Variants in AUTS2 observed in about 807,000 individuals in gnomAD.
The protein encoded by AUTS2 is autism susceptibility gene 2 protein.
AUTS2 carries 17 observed loss-of-function variants against 112.4 expected under a neutral mutation model. That is an observed-to-expected ratio of 0.15 (90% CI 0.10 to 0.23). The LOEUF (loss-of-function observed/expected upper bound fraction) is 0.23, where lower values mean the gene tolerates loss of function less well. AUTS2 is among the 10% of genes least tolerant of loss of function. The pLI, the probability that AUTS2 is intolerant of heterozygous loss-of-function variation, is 1.00. For missense variants in AUTS2, 1,510 were observed against 1,701.6 expected (o/e 0.89, Z 1.98); for synonymous variants, 751 against 702.7 (o/e 1.07, Z -1.09).
chr7:70,420,273 C>A (rs1795164007), intron 4 of AUTS2, among the ~76,000 whole-genome samples: 1 of 152,124 alleles, frequency 6.6e-6, no homozygotes, highest in Non-Finnish European at 1.5e-5. Context: ...CTCTGAAAGT[C>A]CCATTGGTTT....
chr7:70,307,797 G>C (rs1001796662), intron 4 of AUTS2, among the ~76,000 whole-genome samples: 4 of 152,044 alleles, frequency 2.6e-5, no homozygotes, highest in African/African-American at 2.4e-5. Context: ...CAAGAGCTCT[G>C]TTGAAATGCC....
intron 5 of AUTS2, among the ~76,000 whole-genome samples, chr7:70,486,908 C>CCAA (rs1554410189): frequency 0.013 from 1,522 of 118,824 alleles, 55 homozygotes; most frequent in African/African-American, 0.047. Context: ...CCCCCCCCCC[C>CCAA]AAAAAAAAAG....
intron 5 of AUTS2, among the ~76,000 whole-genome samples, chr7:70,646,895 A>G (rs540238279): frequency 1.3e-5 from 2 of 152,176 alleles, no homozygotes; most frequent in East Asian, 1.9e-4. Context: ...CCAGTTCCCT[A>G]CCTTTGCCCA....
intron 2 of AUTS2, among the ~76,000 whole-genome samples, chr7:69,939,087 A>G (rs1277353311): frequency 6.6e-6 from 1 of 152,136 alleles, no homozygotes; most frequent in Non-Finnish European, 1.5e-5. Flanking sequence ...AAACTTAAAT[A>G]CTCTTGTATC....
rs549874962 is a variant in AUTS2, at chr7:70,687,256, C to T, written c.691-11313C>T. ...AGAGCAAACCAAGTCCAGACGGAAACGAGACAGCCATGACCAGGGGAGGCA... is the reference window on the plus strand; with the variant it reads ...AGAGCAAACCAAGTCCAGACGGAAATGAGACAGCCATGACCAGGGGAGGCA... On this transcript the variant is annotated intron_variant, in intron 5 of 18. Transcript: ENST00000342771. 5.9e-5 allele frequency among the ~76,000 whole-genome samples: 9 copies of T among 152,274 alleles called. No individual in the cohort carries two copies. In the South Asian group the frequency reaches 1.5e-3, roughly 25 times the overall value.
chr7:70,333,549 A>G (rs1465999845), intron 4 of AUTS2, among the ~76,000 whole-genome samples: 1 of 152,204 alleles, frequency 6.6e-6, no homozygotes, highest in Non-Finnish European at 1.5e-5. Context: ...AAAGACTTGG[A>G]ACCAACCCAA....
At chr7:69,851,161 T>G (rs1306026895) in intron 1 of AUTS2, among the ~76,000 whole-genome samples, 1 of 152,232 alleles carries the variant, frequency 6.6e-6, no homozygotes, top group Non-Finnish European at 1.5e-5. Context: ...GCCATAGTTT[T>G]GTGGGACTGT....
chr7:70,699,277 G>C (rs1809312966), intron 6 of AUTS2: 1 of 152,162 alleles, frequency 6.6e-6, no homozygotes, highest in Non-Finnish European at 1.5e-5. Context: ...GTAATCACTG[G>C]CTCTGAAAGG....
At chr7:70,306,622 A>G (rs150680782) in intron 4 of AUTS2, among the ~76,000 whole-genome samples, 5 of 152,342 alleles carry the variant, frequency 3.3e-5, no homozygotes, top group African/African-American at 1.2e-4. Flanking sequence ...AGATACTGTA[A>G]AGAGACTTGA....
chr7:70,458,753 C>T (rs1796847758), intron 5 of AUTS2, among the ~76,000 whole-genome samples: 1 of 152,144 alleles, frequency 6.6e-6, no homozygotes, highest in Admixed American at 6.5e-5. Flanking sequence ...ACGGAAAAGC[C>T]ATTTCCTTGT....
At chr7:69,761,497 A>C (rs1788182833) in intron 1 of AUTS2, among the ~76,000 whole-genome samples, 1 of 151,924 alleles carries the variant, frequency 6.6e-6, no homozygotes, top group African/African-American at 2.4e-5. Flanking sequence ...CAGTCCTGTT[A>C]GTCGTTTTGT....
intron 4 of AUTS2, among the ~76,000 whole-genome samples, chr7:70,208,177 T>G (rs1368526545): frequency 6.6e-6 from 1 of 152,214 alleles, no homozygotes; most frequent in Non-Finnish European, 1.5e-5. Context: ...GGAGTGGTCA[T>G]TAATATCATT....
chr7:69,646,119 A>C (rs1659991636), intron 1 of AUTS2, among the ~76,000 whole-genome samples: 1 of 152,012 alleles, frequency 6.6e-6, no homozygotes, highest in Non-Finnish European at 1.5e-5. Flanking sequence ...ATTTTGGAGG[A>C]GGGGGTAGGG....
intron 2 of AUTS2, among the ~76,000 whole-genome samples, chr7:70,001,199 C>A (rs1799176008): frequency 6.6e-6 from 1 of 152,098 alleles, no homozygotes; most frequent in Non-Finnish European, 1.5e-5. Context: ...GATCTCAGCT[C>A]ACTGCAGCCT....
intron 1 of AUTS2, among the ~76,000 whole-genome samples, chr7:69,762,102 C>T (rs1788209059): frequency 6.6e-6 from 1 of 152,050 alleles, no homozygotes; most frequent in African/African-American, 2.4e-5. Flanking sequence ...GATGTTGTGG[C>T]TGTTTGGCAC....
intron 4 of AUTS2, among the ~76,000 whole-genome samples, chr7:70,221,708 G>A (rs867988297): frequency 6.6e-6 from 1 of 152,178 alleles, no homozygotes; most frequent in Non-Finnish European, 1.5e-5. Context: ...CCAACATGGC[G>A]AAACCTCGCC....
intron 5 of AUTS2, among the ~76,000 whole-genome samples, chr7:70,625,832 A>G (rs906612230): frequency 2.6e-5 from 4 of 152,234 alleles, no homozygotes; most frequent in Admixed American, 6.5e-5. Flanking sequence ...GTTTTAAACT[A>G]ATATAAAATT....
At chr7:70,150,091 T>G (rs1376335385) in intron 4 of AUTS2, among the ~76,000 whole-genome samples, 1 of 152,112 alleles carries the variant, frequency 6.6e-6, no homozygotes, top group African/African-American at 2.4e-5. Context: ...TACACGTAAA[T>G]TAAGTGAACT....
rs1407327034 is a variant in AUTS2 at position 70,780,680 on chromosome 7, TC to T, written c.2005-930del. 2.0e-5 allele frequency among the ~76,000 whole-genome samples: 3 copies of T among 152,178 alleles called. No homozygotes were observed. The South Asian group carries it at 6.2e-4, about 32-fold the overall frequency. On this transcript the variant is annotated intron_variant, in intron 14 of 18. Transcript: ENST00000342771. ...TTACTTGTCTGGATGGACACTGCCC[TC>T]CCCCAACCTTCCTCAGGTAATTACA...
Sources: allele counts gnomAD v4.1 joint callset (sites outside exome capture counted in the v4.1 genomes callset), GRCh38; gene constraint gnomAD v4.1.1; transcripts MANE v1.5; gene names NCBI Gene and HGNC (gene_info 2026-07-23, HGNC 2026-07-21).